LRMDA: variants seen among roughly 807,000 people sequenced by gnomAD.
LRMDA encodes leucine rich melanocyte differentiation associated, also known as leucine-rich melanocyte differentiation-associated protein.
Under a neutral mutation model 29.8 loss-of-function variants are expected in LRMDA, and 18 were observed. That is an observed-to-expected ratio of 0.60 (90% CI 0.42 to 0.90). The LOEUF is 0.90. Ranked by LOEUF, LRMDA falls within the 40% of genes least tolerant of loss-of-function variation. The pLI, the probability that LRMDA is intolerant of heterozygous loss-of-function variation, is 0.00. For missense variants in LRMDA, 273 were observed against 273.9 expected (o/e 1.00, Z 0.02); for synonymous variants, 125 against 109.4 (o/e 1.14, Z -0.89).
At chr10:75,576,882 G>T (rs1249796223) in intron 2 of LRMDA, among the ~76,000 whole-genome samples, 1 of 152,090 alleles carries the variant, frequency 6.6e-6, no homozygotes, top group Non-Finnish European at 1.5e-5. Context: ...CCAGCCGAAG[G>T]TCACCGACTT....
chr10:76,137,854 C>T (rs1850126328), intron 5 of LRMDA, among the ~76,000 whole-genome samples: 1 of 151,696 alleles, frequency 6.6e-6, no homozygotes, highest in Non-Finnish European at 1.5e-5. Context: ...GCTGAATGTC[C>T]CTTTAAGAGA....
At chr10:76,520,090 T>C (rs1389865261) in intron 6 of LRMDA, among the ~76,000 whole-genome samples, 1 of 152,158 alleles carries the variant, frequency 6.6e-6, no homozygotes, top group African/African-American at 2.4e-5. Flanking sequence ...GTCTAATAGT[T>C]ACTTTTCTTG....
At chr10:76,086,683 C>T (rs1366066657) in intron 5 of LRMDA, among the ~76,000 whole-genome samples, 1 of 151,936 alleles carries the variant, frequency 6.6e-6, no homozygotes. Context: ...GTGGAGGGGC[C>T]CGAATGAAAA....
At chr10:76,238,721 A>C (rs532630764) in intron 5 of LRMDA, among the ~76,000 whole-genome samples, 5 of 148,402 alleles carry the variant, frequency 3.4e-5, no homozygotes, top group African/African-American at 1.2e-4. Context: ...ATGTAATAAT[A>C]ATAATTGTGA....
intron 5 of LRMDA, among the ~76,000 whole-genome samples, chr10:76,245,839 A>G (rs756639292): frequency 6.6e-6 from 1 of 152,238 alleles, no homozygotes; most frequent in Non-Finnish European, 1.5e-5. Context: ...GGGGATAAAG[A>G]CAACTATGTA....
chr10:76,477,078 G>C (rs1245992129), intron 6 of LRMDA, among the ~76,000 whole-genome samples: 1 of 152,050 alleles, frequency 6.6e-6, no homozygotes, highest in East Asian at 1.9e-4. Context: ...AATAAATAAA[G>C]GGCATTCAAT....
At chr10:76,477,912 T>C (rs1486112661) in intron 6 of LRMDA, among the ~76,000 whole-genome samples, 1 of 152,122 alleles carries the variant, frequency 6.6e-6, no homozygotes, top group Non-Finnish European at 1.5e-5. Context: ...CAAGATGGAT[T>C]AAAGAGTTAA....
intron 2 of LRMDA, among the ~76,000 whole-genome samples, chr10:75,673,213 G>T (rs1261585505): frequency 6.6e-6 from 1 of 152,020 alleles, no homozygotes; most frequent in Non-Finnish European, 1.5e-5. Flanking sequence ...TGGGCTGTGG[G>T]GTTGAAGGTA....
chr10:75,741,614 C>T (rs1276489234), intron 2 of LRMDA, among the ~76,000 whole-genome samples: 1 of 152,132 alleles, frequency 6.6e-6, no homozygotes, highest in Non-Finnish European at 1.5e-5. Flanking sequence ...ATTTTGTCTA[C>T]CACAAGGGTA....
chr10:76,261,411 C>T (rs184727372), intron 5 of LRMDA, among the ~76,000 whole-genome samples: 2 of 152,038 alleles, frequency 1.3e-5, no homozygotes, highest in East Asian at 3.9e-4. Context: ...TGGGTCAGAC[C>T]CACACCTCGT....
chr10:75,811,280 AC>A (rs1843955380), intron 2 of LRMDA, among the ~76,000 whole-genome samples: 2 of 151,936 alleles, frequency 1.3e-5, no homozygotes, highest in African/African-American at 4.8e-5. Context: ...GGCAAGCTCC[AC>A]CCCCACCCCT....
chr10:75,730,795 C>CT (rs112066467), intron 2 of LRMDA, among the ~76,000 whole-genome samples: 4,570 of 151,888 alleles, frequency 0.03, 188 homozygotes, highest in African/African-American at 0.097. Context: ...CTTGAACCTT[C>CT]TTTTTTTTGA....
intron 2 of LRMDA, among the ~76,000 whole-genome samples, chr10:75,759,548 AAT>A (rs1368895793): frequency 6.6e-6 from 1 of 152,204 alleles, no homozygotes; most frequent in African/African-American, 2.4e-5. Flanking sequence ...TTGTCTTGTA[AAT>A]GGCTTTCTTC....
chr10:76,378,231 A>G (rs1308936611), intron 6 of LRMDA, among the ~76,000 whole-genome samples: 1 of 152,088 alleles, frequency 6.6e-6, no homozygotes, highest in Non-Finnish European at 1.5e-5. Context: ...TTGTAGGTTG[A>G]ATTTTTATTC....
At chr10:76,382,148 ACT>A in intron 6 of LRMDA, among the ~76,000 whole-genome samples, 1 of 152,070 alleles carries the variant, frequency 6.6e-6, no homozygotes. Flanking sequence ...CTGGGTAGAG[ACT>A]CTAGATTATT....
chr10:76,068,911 A>G (rs1343205245), intron 5 of LRMDA, among the ~76,000 whole-genome samples: 1 of 152,226 alleles, frequency 6.6e-6, no homozygotes, highest in African/African-American at 2.4e-5. Context: ...GTGAGGGGCC[A>G]GATGCTCACA....
chr10:75,868,727 A>T (rs1412412026), intron 2 of LRMDA, among the ~76,000 whole-genome samples: 2 of 152,102 alleles, frequency 1.3e-5, no homozygotes, highest in Non-Finnish European at 2.9e-5. Flanking sequence ...GTGTAACTGA[A>T]GGGATCACAT....
intron 2 of LRMDA, among the ~76,000 whole-genome samples, chr10:75,737,611 C>T (rs991001783): frequency 2.0e-5 from 3 of 152,158 alleles, no homozygotes; most frequent in African/African-American, 7.2e-5. Flanking sequence ...TTCAGCAAAC[C>T]TCATTGACTC....
At chr10:76,501,603 A>G (rs1172232398) in intron 6 of LRMDA, among the ~76,000 whole-genome samples, 2 of 151,914 alleles carry the variant, frequency 1.3e-5, no homozygotes, top group African/African-American at 2.4e-5. Context: ...TTTCATTTGA[A>G]TTTCTCTAAT....
Sources: allele counts gnomAD v4.1 joint callset (sites outside exome capture counted in the v4.1 genomes callset), GRCh38; gene constraint gnomAD v4.1.1; transcripts MANE v1.5; gene names NCBI Gene and HGNC (gene_info 2026-07-23, HGNC 2026-07-21).